Variants in ANAPC2 observed in about 807,000 individuals in gnomAD.
ANAPC2 encodes the protein anaphase-promoting complex subunit 2.
A neutral mutation model predicts 84.3 loss-of-function variants in ANAPC2; 29 were observed. That is an observed-to-expected ratio of 0.34 (90% confidence interval 0.26 to 0.47). The LOEUF is 0.47. ANAPC2 is among the 20% of genes least tolerant of loss of function. The pLI, the probability that ANAPC2 is intolerant of heterozygous loss-of-function variation, is 1.00. For synonymous variants in ANAPC2, 571 were observed against 479.4 expected, an observed-to-expected ratio of 1.19 and a Z score of -2.50; for missense variants, 857 against 1,131.7, an observed-to-expected ratio of 0.76 and a Z score of 3.48.
At chr9:137,186,458 GCA>G (rs148147354) in intron 2 of ANAPC2, 102 bp from the exon 3 acceptor site, 21,005 of 1,213,582 alleles carry the variant, frequency 0.017, no homozygotes, top group Middle Eastern at 0.021. Context: ...AGTGCATGCA[GCA>G]CACACACACA....
intron 2 of ANAPC2, chr9:137,186,680 C>G (rs997389853): frequency 2.8e-6 from 1 of 362,406 alleles, no homozygotes. Context: ...CTCCTAGGAT[C>G]AACTCTGAAA....
At chr9:137,183,072 C>A (rs1834378482) in intron 6 of ANAPC2, 53 bp downstream of exon 6, 1 of 1,459,712 alleles carries the variant, frequency 6.9e-7, no homozygotes, top group East Asian at 2.3e-5. Context: ...CCACGAGGAG[C>A]TCAGCAGGAT....
At chr9:137,183,086 C>T in intron 6 of ANAPC2, 39 bp downstream of exon 6, 1 of 1,540,396 alleles carries the variant, frequency 6.5e-7, no homozygotes, top group Non-Finnish European at 9.0e-7. Flanking sequence ...GCAGGATGCC[C>T]AGGGTCCCAG....
intron 10 of ANAPC2, chr9:137,176,605 A>G (rs1834219857): frequency 6.6e-6 from 1 of 152,296 alleles, no homozygotes; most frequent in South Asian, 2.1e-4. Context: ...AAGCCTGGAA[A>G]TGGCTGGAAG....
At position 137,175,402 on chromosome 9, in the gene ANAPC2, G is replaced by C. The variant is rs140009201; in HGVS notation, c.2091C>G (p.Ser697=). ...GCAGCACACCCTGCTGCAGCCACACGGACATCCGCCGCCGCAGCAGCGCCA... is the reference window on the plus strand; with the variant it reads ...GCAGCACACCCTGCTGCAGCCACACCGACATCCGCCGCCGCAGCAGCGCCA... ...MPVALLRRRM[S]VWLQQGVLRE... is the part of the protein sequence containing the mutation. The change falls in exon 12 of 13, where the codon TCC becomes TCG. Residue 697 remains serine, a synonymous_variant. Coordinates refer to ENST00000323927, the MANE Select transcript of ANAPC2 (RefSeq NM_013366.4). 6.2e-7 allele frequency: 1 copy of C among 1,608,608 alleles called. No individual in the cohort carries two copies.
intron 10 of ANAPC2, among the ~76,000 whole-genome samples, chr9:137,178,004 A>G (rs954028951): frequency 1.3e-5 from 2 of 150,712 alleles, no homozygotes; most frequent in African/African-American, 5.0e-5. Context: ...GTAAAATGAT[A>G]TGTTTCTTTT....
intron 3 of ANAPC2, among the ~76,000 whole-genome samples, chr9:137,185,630 C>T (rs1029020131): frequency 2.0e-5 from 3 of 152,208 alleles, no homozygotes; most frequent in Admixed American, 6.5e-5. Flanking sequence ...ACATCACAGC[C>T]AATCTGCACC....
chr9:137,187,828 C>G lies in ANAPC2; in HGVS notation c.393G>C (p.Leu131=), dbSNP rs779082191. 6.2e-7 allele frequency: 1 copy of G among 1,613,658 alleles called. No individual in the cohort carries two copies. Among genetic ancestry groups the G allele is most frequent in the Middle Eastern group, 1.6e-4 (1 of 6,062 alleles). Reference sequence around the variant, plus strand: ...AGCCCAGGCGAGTCCATTTCTCCAGCAGCTCTAGGCTACGCAGGTAGGGAT... The same window carrying G: ...AGCCCAGGCGAGTCCATTTCTCCAGGAGCTCTAGGCTACGCAGGTAGGGAT... ...RLDPYLRSLE[L]LEKWTRLGLL... The change falls in exon 2 of 13, where the codon CTG becomes CTC. Residue 131 remains leucine (L), a synonymous_variant. Coordinates refer to ENST00000323927, the MANE Select transcript of ANAPC2 (RefSeq NM_013366.4).
Position 137,174,860 on chromosome 9 carries a change from C to G in ANAPC2, c.*82G>C. ...CTCCTCAGCAGTGCATTCTGGGACA[C>G]GGGCGGGCGGGGGCTGGCACGGGAG... On this transcript the variant is annotated 3_prime_UTR_variant, in exon 13 of 13. Coordinates refer to ENST00000323927, the MANE Select transcript of ANAPC2 (RefSeq NM_013366.4). This position sits in a 1 kb window ranked among gnomAD's most constrained non-coding sequence, Gnocchi z 6.1. 8.6e-7 allele frequency: 1 copy of G among 1,157,966 alleles called. No individual in the cohort carries two copies. Among genetic ancestry groups the G allele is most frequent in the Non-Finnish European group, 1.2e-6 (1 of 867,074 alleles). The allele number at this position is 1,157,966 out of a possible 1,614,324, so 71.7% of individuals were successfully genotyped here. A position where few individuals can be genotyped will look rare whatever the true frequency, so the allele number is the denominator to read the frequency against.
chr9:137,180,598 C>A, intron 8 of ANAPC2, 71 bp from the exon 9 acceptor site: 1 of 1,599,592 alleles, frequency 6.3e-7, no homozygotes, highest in Non-Finnish European at 8.6e-7. Context: ...TGGCAGGGCA[C>A]GGGGGTGCCC....
intron 6 of ANAPC2, 96 bp downstream of exon 6, chr9:137,183,029 C>T (rs1251818575): frequency 9.1e-6 from 9 of 986,560 alleles, no homozygotes; most frequent in East Asian, 2.4e-5. Context: ...TGTGTCCTGA[C>T]GGCCGAACAC....
chr9:137,185,216 C>T (rs986295320), intron 3 of ANAPC2, 129 bp from the exon 4 acceptor site: 9 of 971,902 alleles, frequency 9.3e-6, no homozygotes, highest in East Asian at 5.9e-5. Context: ...AGGCCACCTG[C>T]GTCTGGAGGC....
At position 137,181,751 on chromosome 9, in the gene ANAPC2, T is replaced by C; in HGVS notation, c.1398A>G (p.Thr466=). Reference sequence around the variant, plus strand: ...CTGAGTCATCCTCACTGTCCTGGCCTGTCTCCAGGCTCGCCGGGTCGGTCT... The same window carrying C: ...CTGAGTCATCCTCACTGTCCTGGCCCGTCTCCAGGCTCGCCGGGTCGGTCT... ...LSKTDPASLE[T]GQDSEDDSGE... is the part of the protein sequence containing the mutation. The change falls in exon 7 of 13, where the codon ACA becomes ACG. Residue 466 remains threonine, a synonymous_variant. Transcript: ENST00000323927. The C allele has an allele frequency of 6.2e-7, 1 of 1,612,320 alleles. No homozygotes were observed. Among genetic ancestry groups the C allele is most frequent in the African/African-American group, 1.3e-5 (1 of 75,052 alleles).
intron 3 of ANAPC2, 32 bp downstream of exon 3, chr9:137,186,192 A>G (rs550775164): frequency 2.7e-5 from 44 of 1,606,726 alleles, no homozygotes; most frequent in African/African-American, 5.3e-5. Context: ...CCCTGTCTCC[A>G]GCGGGGCACA....
intron 2 of ANAPC2, 70 bp from the exon 3 acceptor site, chr9:137,186,426 G>A (rs1834471673): frequency 3.3e-6 from 5 of 1,516,796 alleles, no homozygotes; most frequent in African/African-American, 1.4e-5. Context: ...ACAGCCCCAT[G>A]CCAGGACTGC....
chr9:137,175,861 G>C, intron 10 of ANAPC2, 24 bp from the exon 11 acceptor site: 1 of 1,583,898 alleles, frequency 6.3e-7, no homozygotes, highest in Non-Finnish European at 8.6e-7. Context: ...GGGTCAGCAC[G>C]GGCAGCTCGG....
At chr9:137,176,053 C>T in intron 10 of ANAPC2, 2 of 533,950 alleles carry the variant, frequency 3.7e-6, no homozygotes, top group Non-Finnish European at 3.1e-6. Context: ...AAGGTGTGTC[C>T]CGAAAAGGCT....
intron 10 of ANAPC2, among the ~76,000 whole-genome samples, chr9:137,178,842 T>C (rs28393706): frequency 0.27 from 41,417 of 152,190 alleles, 6,022 homozygotes; most frequent in African/African-American, 0.37. Flanking sequence ...CTTGGCCTCC[T>C]GCCCTGGGGG....
At chr9:137,175,600 C>T (rs935966459) in intron 11 of ANAPC2, 108 bp downstream of exon 11, 85 of 1,495,806 alleles carry the variant, frequency 5.7e-5, no homozygotes, top group African/African-American at 2.8e-4. Context: ...GGAAGGGTGC[C>T]GCCTGCTGGC....
Sources: allele counts gnomAD v4.1 joint callset (sites outside exome capture counted in the v4.1 genomes callset), GRCh38; gene constraint gnomAD v4.1.1; non-coding constraint Gnocchi (gnomAD v3.1); transcripts MANE v1.5; gene names NCBI Gene and HGNC (gene_info 2026-07-23, HGNC 2026-07-21).